DMD: variants seen among roughly 807,000 people sequenced by gnomAD.
DMD encodes dystrophin.
Under a neutral mutation model 330.1 loss-of-function variants are expected in DMD, and 63 were observed. That is an observed-to-expected ratio of 0.19 (90% CI 0.16 to 0.24). The LOEUF (loss-of-function observed/expected upper bound fraction) is 0.24. Among genes scored for constraint, DMD ranks in the 10% least tolerant of loss-of-function variants. The pLI, the probability that DMD is intolerant of heterozygous loss-of-function variation, is 1.00. For missense variants in DMD, 3,344 were observed against 2,684.1 expected (o/e 1.25, Z -5.43); for synonymous variants, 1,223 against 959.8 (o/e 1.27, Z -5.07).
intron 50 of DMD, among the ~76,000 whole-genome samples, chrX:31,817,554 C>T (rs2092664069): frequency 9.0e-6 from 1 of 110,522 alleles, no homozygotes; most frequent in Non-Finnish European, 1.9e-5. Flanking sequence ...GGATGAAAAG[C>T]ACCTGCTTTT....
chrX:31,375,227 G>A (rs1486796264), intron 60 of DMD, among the ~76,000 whole-genome samples: 1 of 111,913 alleles, frequency 8.9e-6, no homozygotes, highest in Non-Finnish European at 1.9e-5. Flanking sequence ...ATTTACTGGG[G>A]ACAACTCTGA....
chrX:32,612,097 AT>A (rs1215531309), intron 12 of DMD, among the ~76,000 whole-genome samples: 1 of 111,404 alleles, frequency 9.0e-6, no homozygotes, highest in Non-Finnish European at 1.9e-5. Context: ...CTCGTAAGGC[AT>A]TATGAGAGCA....
intron 1 of DMD, among the ~76,000 whole-genome samples, chrX:33,333,381 T>C (rs2054207488): frequency 9.0e-6 from 1 of 111,399 alleles, no homozygotes; most frequent in Admixed American, 9.6e-5. Flanking sequence ...CTCAGTTTTA[T>C]AGTCTTCAGT....
chrX:31,776,816 A>C (rs926960543), intron 50 of DMD, among the ~76,000 whole-genome samples: 7 of 112,176 alleles, frequency 6.2e-5, no homozygotes, highest in Non-Finnish European at 1.3e-4. Flanking sequence ...TGGGATGATA[A>C]ATTAGCTGAA....
intron 8 of DMD, 32 bp from the exon 9 acceptor site, chrX:32,698,030 G>A: frequency 1.7e-6 from 2 of 1,169,329 alleles, no homozygotes; most frequent in Non-Finnish European, 2.3e-6. Flanking sequence ...AGTGGATAGA[G>A]AGGAGGGGGA....
intron 7 of DMD, among the ~76,000 whole-genome samples, chrX:32,702,657 GA>G (rs1358849368): frequency 5.7e-4 from 63 of 111,283 alleles, no homozygotes; most frequent in African/African-American, 2.0e-3. Context: ...ATTGCTGGAG[GA>G]AAACTTGAGA....
chrX:31,999,615 T>C (rs1249127602), intron 44 of DMD, among the ~76,000 whole-genome samples: 3 of 111,871 alleles, frequency 2.7e-5, no homozygotes, highest in Non-Finnish European at 3.8e-5. Context: ...TAGGGACTAA[T>C]TGGATTACTT....
rs149585771 is a variant in DMD, at chrX:32,756,998, C to G, written c.649+52495G>C. Among the ~76,000 whole-genome samples, 1,015 of 111,493 alleles carry G rather than the reference C, an allele frequency of 9.1e-3. 11 individuals are homozygous for G. Among genetic ancestry groups the G allele is most frequent in the African/African-American group, 0.03 (935 of 30,757 alleles). ...TTAGTCTTCGTCAGCAAGAAATTCC[C>G]TACAATTCAGGGTTTAACTCTTAAA... On this transcript the variant is annotated intron_variant, in intron 7 of 78. Coordinates refer to ENST00000357033, the MANE Select transcript of DMD (RefSeq NM_004006.3).
rs1424369019 is a variant in DMD, at chrX:31,121,161, A to C, written c.*758T>G. On this transcript the variant is annotated 3_prime_UTR_variant, in exon 79 of 79. Coordinates refer to ENST00000357033, the MANE Select transcript of DMD (RefSeq NM_004006.3). ...TTAGGATGTGACATGAACATTTAAA[A>C]AATGGAAAAAGTCAGTCTATAGAAA... The C allele has an allele frequency of 9.0e-6, 1 of 111,593 alleles. No homozygotes were observed. The highest frequency in any genetic ancestry group is 1.9e-5 in the Non-Finnish European group (1 of 53,066). The allele number at this position is 111,593 out of a possible 1,213,427, so 9.2% of individuals were successfully genotyped here.
At chrX:32,094,984 G>A (rs1156623309) in intron 44 of DMD, among the ~76,000 whole-genome samples, 4 of 111,536 alleles carry the variant, frequency 3.6e-5, no homozygotes, top group Non-Finnish European at 7.5e-5. Context: ...TACCTTGCAT[G>A]AGGGTAAATG....
chrX:33,163,498 G>T (rs896558346), intron 1 of DMD, among the ~76,000 whole-genome samples: 3 of 106,993 alleles, frequency 2.8e-5, no homozygotes, highest in East Asian at 2.9e-4. Context: ...ATCGTGCCAC[G>T]GCACTCCAGC....
chrX:31,477,745 G>T (rs758738521), intron 59 of DMD, among the ~76,000 whole-genome samples: 1 of 109,419 alleles, frequency 9.1e-6, no homozygotes, highest in South Asian at 4.1e-4. Flanking sequence ...TTTTGATTAA[G>T]TGTTTTATTT....
chrX:33,186,509 G>GT (rs1182902489), intron 1 of DMD, among the ~76,000 whole-genome samples: 4 of 110,756 alleles, frequency 3.6e-5, no homozygotes, highest in Non-Finnish European at 1.9e-5. Context: ...GTTACATTAG[G>GT]TTTTTTTAAG....
chrX:32,102,621 G>A (rs1569542840), intron 44 of DMD, among the ~76,000 whole-genome samples: 1 of 110,930 alleles, frequency 9.0e-6, no homozygotes, highest in Non-Finnish European at 1.9e-5. Context: ...AGAATTTCGA[G>A]ACAAATCTAT....
intron 1 of DMD, among the ~76,000 whole-genome samples, chrX:33,171,786 G>A (rs1452425319): frequency 1.8e-5 from 2 of 111,536 alleles, no homozygotes; most frequent in Admixed American, 9.6e-5. Context: ...GAGCAAAATG[G>A]TTAAGAAGGT....
At chrX:32,838,069 CAT>C (rs1160103644) in intron 4 of DMD, among the ~76,000 whole-genome samples, 2 of 111,769 alleles carry the variant, frequency 1.8e-5, no homozygotes, top group Middle Eastern at 4.7e-3. Context: ...TTAAATATGT[CAT>C]AAACTTGACA....
chrX:32,545,198 T>A lies in DMD; in HGVS notation c.2129A>T (p.Lys710Met). 1 of 1,211,081 alleles carries A rather than the reference T, an allele frequency of 8.3e-7. No homozygotes were observed. The highest frequency in any genetic ancestry group is 1.1e-6 in the Non-Finnish European group (1 of 894,961). Reference protein sequence around the residue: ...QEELPPPPPQKKRQITVDSEI... With the variant: ...QEELPPPPPQMKRQITVDSEI... ...AGAATCCACAGTAATCTGCCTCTTC[T>A]TTTGGGGAGGTGGTGGTGGAAGTTC... The change falls in exon 17 of 79, where the codon AAG (lysine) becomes ATG (methionine). Residue 710 changes from lysine (K) to methionine (M), a missense_variant. Lys to Met is a moderately conservative substitution (Grantham distance 95). Coordinates refer to ENST00000357033, the MANE Select transcript of DMD (RefSeq NM_004006.3).
At chrX:32,060,336 G>A (rs1242820218) in intron 44 of DMD, among the ~76,000 whole-genome samples, 1 of 111,339 alleles carries the variant, frequency 9.0e-6, no homozygotes, top group Non-Finnish European at 1.9e-5. Context: ...GAAAAAAACT[G>A]CTGAATGAAT....
rs148744697 is a variant in DMD at position 31,339,562 on chromosome X, T to C, written c.9163+8994A>G. 2.6e-3 allele frequency among the ~76,000 whole-genome samples: 296 copies of C among 112,096 alleles called. 2 individuals carry two copies. The highest frequency in any genetic ancestry group is 9.2e-3 in the African/African-American group (284 of 30,863). Reference sequence around the variant, plus strand: ...GCAAAATTCTTTCTGACTTTTATCATGATGGCTTATTTTGATGTTTTTATT... The same window carrying C: ...GCAAAATTCTTTCTGACTTTTATCACGATGGCTTATTTTGATGTTTTTATT... On this transcript the variant is annotated intron_variant, in intron 61 of 78. Coordinates refer to ENST00000357033, the MANE Select transcript of DMD (RefSeq NM_004006.3).
Sources: allele counts gnomAD v4.1 joint callset (sites outside exome capture counted in the v4.1 genomes callset), GRCh38; gene constraint gnomAD v4.1.1; transcripts MANE v1.5; gene names NCBI Gene and HGNC (gene_info 2026-07-23, HGNC 2026-07-21).